The following NFIB variants were observed in gnomAD, a reference collection of about 807,000 sequenced individuals.
The protein encoded by NFIB is nuclear factor I B.
NFIB carries 11 observed loss-of-function variants against 61.5 expected under a neutral mutation model. The observed-to-expected ratio is 0.18, with a 90% confidence interval of 0.11 to 0.30. NFIB has a LOEUF of 0.30. Among genes scored for constraint, NFIB ranks in the 10% least tolerant of loss-of-function variants. The pLI is 1.00. For missense variants in NFIB, 471 were observed against 608.9 expected (o/e 0.77, Z 2.38); for synonymous variants, 260 against 216.5 (o/e 1.20, Z -1.76).
chr9:14,370,136 T>C (rs1288879033), intron 1 of NFIB, among the ~76,000 whole-genome samples: 2 of 152,232 alleles, frequency 1.3e-5, no homozygotes, highest in Non-Finnish European at 2.9e-5. Context: ...CTGCCTAGAA[T>C]AACCTTCACC....
At chr9:14,378,360 G>A (rs529896734) in intron 1 of NFIB, among the ~76,000 whole-genome samples, 18 of 151,524 alleles carry the variant, frequency 1.2e-4, no homozygotes, top group South Asian at 2.1e-4. Context: ...TCTTTCTTTC[G>A]TTCTTTTTTT....
the NFIB span, among the ~76,000 whole-genome samples, chr9:14,407,995 A>G: frequency 6.6e-6 from 1 of 152,208 alleles, no homozygotes; most frequent in South Asian, 2.1e-4. Context: ...CCAACAAAAA[A>G]ATTTTAATGC....
At chr9:14,096,402 G>A (rs1333096032) in intron 10 of NFIB, 1 of 152,134 alleles carries the variant, frequency 6.6e-6, no homozygotes, top group Non-Finnish European at 1.5e-5. Flanking sequence ...TGCAGAGCGG[G>A]AACTTTTCTA....
chr9:14,507,942 A>T, the NFIB span, among the ~76,000 whole-genome samples: 2 of 146,004 alleles, frequency 1.4e-5, no homozygotes, highest in African/African-American at 5.0e-5. Context: ...AGGCATAAAC[A>T]CACACAGACA....
the NFIB span, among the ~76,000 whole-genome samples, chr9:14,496,918 G>A: frequency 6.6e-6 from 1 of 152,210 alleles, no homozygotes; most frequent in Non-Finnish European, 1.5e-5. Flanking sequence ...TAATGGGTCT[G>A]TGTATTTCTT....
At chr9:14,378,418 G>A (rs1213879318) in intron 1 of NFIB, among the ~76,000 whole-genome samples, 9 of 152,142 alleles carry the variant, frequency 5.9e-5, no homozygotes, top group Non-Finnish European at 8.8e-5. Flanking sequence ...GTGCAGTGGC[G>A]CAATTTTGGC....
Position 14,120,358 on chromosome 9 carries a change from T to C in NFIB, c.1245+82A>G. 7.0e-7 allele frequency: 1 copy of C among 1,433,112 alleles called. No homozygotes were observed. The highest frequency in any genetic ancestry group is 1.2e-5 in the South Asian group (1 of 86,542). 88.8% of individuals were successfully genotyped at this position (1,433,112 alleles called of 1,614,324 possible). A position where few individuals can be genotyped will look rare whatever the true frequency, so the allele number is the denominator to read the frequency against. On this transcript the variant is annotated intron_variant, in intron 8 of 10. Coordinates refer to ENST00000380953, the MANE Select transcript of NFIB (RefSeq NM_001190737.2). This position sits in a 1 kb window ranked among gnomAD's most constrained non-coding sequence, Gnocchi z 4.4. ...AGGCTTGACGTTCTGCCAGACACAC[T>C]GTCTGACTAACCTTTGTGTCTCAGA...
chr9:14,201,624 T>C (rs1013638747), intron 2 of NFIB, among the ~76,000 whole-genome samples: 7 of 152,156 alleles, frequency 4.6e-5, no homozygotes, highest in Non-Finnish European at 1.5e-5. Context: ...GACCAGTGCA[T>C]TATAGTTGGT....
intron 1 of NFIB, among the ~76,000 whole-genome samples, chr9:14,376,517 C>CTTTTTTTT (rs781462864): frequency 1.6e-5 from 2 of 128,426 alleles, no homozygotes. Context: ...CTAAAAGTGT[C>CTTTTTTTT]ATTTTTTTTT....
At chr9:14,190,732 C>T (rs575448687) in intron 2 of NFIB, among the ~76,000 whole-genome samples, 1 of 152,264 alleles carries the variant, frequency 6.6e-6, no homozygotes, top group East Asian at 1.9e-4. Context: ...AAATAGCTGA[C>T]ATGATTTTCC....
At chr9:14,213,378 C>T (rs2131743054) in intron 2 of NFIB, among the ~76,000 whole-genome samples, 1 of 152,334 alleles carries the variant, frequency 6.6e-6, no homozygotes, top group South Asian at 2.1e-4. Context: ...CTTCCTAAGT[C>T]AGGTCCACCA....
intron 2 of NFIB, among the ~76,000 whole-genome samples, chr9:14,240,063 G>C (rs187893510): frequency 1.3e-5 from 2 of 152,148 alleles, no homozygotes; most frequent in Non-Finnish European, 2.9e-5. Context: ...CATTACTCTT[G>C]ACTATATTGC....
At chr9:14,451,808 G>A in the NFIB span, among the ~76,000 whole-genome samples, 1,362 of 151,910 alleles carry the variant, frequency 9.0e-3, 7 homozygotes, top group Non-Finnish European at 0.014. Context: ...AGTTCTTAAT[G>A]TTTTGATTTG....
At chr9:14,270,204 G>C (rs1330385750) in intron 2 of NFIB, among the ~76,000 whole-genome samples, 1 of 152,054 alleles carries the variant, frequency 6.6e-6, no homozygotes. Flanking sequence ...TGTCTCCAAA[G>C]GGTAAAAAAT....
At position 14,204,430 on chromosome 9, in the gene NFIB, C is replaced by G; in HGVS notation, c.563-24650G>C. ...GCTTTGTGAAATGGCCCCGCTATAG[C>G]AGGTTGCAGCGGCAGAGAGTCATCC... On this transcript the variant is annotated intron_variant, in intron 2 of 10. Transcript: ENST00000380953. The G allele has an allele frequency of 3.5e-6, 4 of 1,145,870 alleles. No individual in the cohort carries two copies. The South Asian group carries it at 3.7e-5, about 10-fold the overall frequency. 71.0% of individuals were successfully genotyped at this position (1,145,870 alleles called of 1,614,324 possible).
At chr9:14,331,286 T>C (rs1188339987) in intron 1 of NFIB, among the ~76,000 whole-genome samples, 2 of 152,110 alleles carry the variant, frequency 1.3e-5, no homozygotes, top group African/African-American at 4.8e-5. Context: ...TCATTCTAAT[T>C]CCCAAGCCCG....
chr9:14,484,246 C>A, the NFIB span, among the ~76,000 whole-genome samples: 10 of 152,326 alleles, frequency 6.6e-5, no homozygotes, highest in Middle Eastern at 3.4e-3. Flanking sequence ...AAAATCCCTG[C>A]CCTGAGTAGC....
At chr9:14,391,522 T>C (rs551380843) in intron 1 of NFIB, among the ~76,000 whole-genome samples, 7 of 152,274 alleles carry the variant, frequency 4.6e-5, no homozygotes, top group Admixed American at 2.0e-4. Context: ...ATCTCAGAAG[T>C]TGGGTGAGCA....
At chr9:14,452,429 G>A in the NFIB span, among the ~76,000 whole-genome samples, 4 of 84,616 alleles carry the variant, frequency 4.7e-5, no homozygotes, top group East Asian at 4.2e-4. Flanking sequence ...GGAAGGGAGG[G>A]AGGGAGGGGA....
Sources: gnomAD v4.1 joint callset for allele counts (sites outside exome capture counted in the v4.1 genomes callset) on GRCh38, gnomAD v4.1.1 for gene constraint, Gnocchi (gnomAD v3.1) non-coding constraint, MANE v1.5 for transcripts, NCBI Gene and HGNC (gene_info 2026-07-23, HGNC 2026-07-21) for gene names.